UBE3D: variants seen among roughly 807,000 people sequenced by gnomAD.
UBE3D encodes the protein E3 ubiquitin-protein ligase E3D.
A neutral mutation model predicts 49.6 loss-of-function variants in UBE3D; 48 were observed. The observed-to-expected ratio is 0.97, with a 90% CI of 0.77 to 1.23. The LOEUF (loss-of-function observed/expected upper bound fraction) is 1.23, where lower values mean the gene tolerates loss of function less well. UBE3D is among the 50% of genes most tolerant of loss of function. The pLI, the probability that UBE3D is intolerant of heterozygous loss-of-function variation, is 0.00. For synonymous variants in UBE3D, 189 were observed against 174.2 expected, an observed-to-expected ratio of 1.08 and a Z score of -0.67; for missense variants, 452 against 468.4, an observed-to-expected ratio of 0.96 and a Z score of 0.32.
chr6:83,010,826 T>C (rs1240538895), intron 8 of UBE3D, among the ~76,000 whole-genome samples: 2 of 152,130 alleles, frequency 1.3e-5, no homozygotes, highest in African/African-American at 4.8e-5. Flanking sequence ...TGGCAGCTGA[T>C]TAGATGGTGC....
chr6:82,886,494 G>T, the UBE3D span, among the ~76,000 whole-genome samples: 1 of 152,126 alleles, frequency 6.6e-6, no homozygotes, highest in Non-Finnish European at 1.5e-5. Flanking sequence ...GGCTGGTACT[G>T]GTCCATAGCC....
intron 9 of UBE3D, among the ~76,000 whole-genome samples, chr6:82,941,197 C>G (rs1164632633): frequency 6.6e-6 from 1 of 151,942 alleles, no homozygotes; most frequent in African/African-American, 2.4e-5. Flanking sequence ...CAGAGCAAGA[C>G]TATCTCCAAA....
intron 5 of UBE3D, 55 bp downstream of exon 5, chr6:83,038,361 T>C (rs1317559446): frequency 7.4e-7 from 1 of 1,351,928 alleles, no homozygotes; most frequent in East Asian, 2.3e-5. Context: ...AAAATATCAT[T>C]CTGGCTTTTA....
rs1774631031 is a variant in UBE3D, at chr6:82,937,049, G to T, written c.1149+20263C>A. ...AGGCCCTTTTCTTTACTGCTCCATA[G>T]ATGAGGTCTATAAGAGCAAGGACCA... On this transcript the variant is annotated intron_variant, in intron 9 of 9. Transcript: ENST00000369747. 2.6e-5 allele frequency among the ~76,000 whole-genome samples: 4 copies of T among 152,154 alleles called. 1 individual carries two copies. The highest frequency in any genetic ancestry group is 9.7e-5 in the African/African-American group (4 of 41,424).
chr6:82,982,509 T>C (rs1371148239), intron 8 of UBE3D, among the ~76,000 whole-genome samples: 1 of 152,194 alleles, frequency 6.6e-6, no homozygotes, highest in Non-Finnish European at 1.5e-5. Flanking sequence ...AGAAACCAAG[T>C]TGATTGACCT....
chr6:83,054,096 G>T, intron 3 of UBE3D, 52 bp downstream of exon 3: 1 of 1,459,218 alleles, frequency 6.9e-7, no homozygotes. Context: ...GATAGAAAAA[G>T]AGATAACCAT....
At chr6:83,056,801 G>A (rs985346221) in intron 2 of UBE3D, among the ~76,000 whole-genome samples, 2 of 152,170 alleles carry the variant, frequency 1.3e-5, no homozygotes, top group Non-Finnish European at 2.9e-5. Context: ...ACACAGCGCA[G>A]ATGAAAGGTT....
At chr6:82,946,336 C>G (rs1775398478) in intron 9 of UBE3D, among the ~76,000 whole-genome samples, 1 of 151,806 alleles carries the variant, frequency 6.6e-6, no homozygotes, top group Non-Finnish European at 1.5e-5. Flanking sequence ...CCTTACAGGC[C>G]AGGAGAGAGT....
At chr6:82,965,510 G>C (rs1163334763) in intron 8 of UBE3D, among the ~76,000 whole-genome samples, 1 of 151,052 alleles carries the variant, frequency 6.6e-6, no homozygotes, top group East Asian at 1.9e-4. Context: ...TAGAACTTGG[G>C]AGGCAGAGGT....
At chr6:83,058,439 A>G (rs2127850664) in intron 1 of UBE3D, among the ~76,000 whole-genome samples, 1 of 152,378 alleles carries the variant, frequency 6.6e-6, no homozygotes, top group South Asian at 2.1e-4. Context: ...ACAGTGATGT[A>G]TGAATATCAG....
chr6:83,005,988 G>A (rs1283716696), intron 8 of UBE3D, among the ~76,000 whole-genome samples: 2 of 152,138 alleles, frequency 1.3e-5, no homozygotes, highest in Non-Finnish European at 2.9e-5. Flanking sequence ...ACGTTGGGAG[G>A]CTGAGATGGG....
chr6:82,976,963 A>C (rs1437076056), intron 8 of UBE3D, among the ~76,000 whole-genome samples: 1 of 151,764 alleles, frequency 6.6e-6, no homozygotes, highest in Non-Finnish European at 1.5e-5. Context: ...AAATACAAAA[A>C]ATTAGCCAGG....
rs1219753472 is a variant in UBE3D, at chr6:82,898,344, C to T, written c.1150-5302G>A. On this transcript the variant is annotated intron_variant, in intron 9 of 9. Coordinates refer to ENST00000369747, the MANE Select transcript of UBE3D (RefSeq NM_198920.3). Reference sequence around the variant, plus strand: ...CATTACTGGGTATATACCCAAAGGACTATAAATCATTCTACTATAAAGATA... The same window carrying T: ...CATTACTGGGTATATACCCAAAGGATTATAAATCATTCTACTATAAAGATA... Among the ~76,000 whole-genome samples the T allele has an allele frequency of 2.6e-5, 4 of 152,088 alleles. No individual in the cohort carries two copies. The South Asian group carries it at 6.2e-4, about 24-fold the overall frequency.
intron 8 of UBE3D, among the ~76,000 whole-genome samples, chr6:82,985,769 T>C: frequency 6.6e-6 from 1 of 152,330 alleles, no homozygotes; most frequent in South Asian, 2.1e-4. Flanking sequence ...ACCCCAACGC[T>C]AATTATTATA....
intron 9 of UBE3D, among the ~76,000 whole-genome samples, chr6:82,952,585 T>G (rs546262891): frequency 4.4e-4 from 67 of 152,234 alleles, no homozygotes; most frequent in Non-Finnish European, 7.9e-4. Context: ...CCAGCACATC[T>G]GCTAATTTTT....
intron 8 of UBE3D, among the ~76,000 whole-genome samples, chr6:82,961,132 T>C (rs964763527): frequency 3.9e-5 from 6 of 152,158 alleles, no homozygotes; most frequent in African/African-American, 1.4e-4. Context: ...GTAGAAAGCA[T>C]CTCAAGACAG....
At chr6:83,039,193 C>T (rs929462393) in intron 4 of UBE3D, among the ~76,000 whole-genome samples, 12 of 152,196 alleles carry the variant, frequency 7.9e-5, no homozygotes, top group African/African-American at 2.2e-4. Flanking sequence ...ACATTCCTCT[C>T]GTCCAGATAT....
At position 83,044,435 on chromosome 6, in the gene UBE3D, CA is replaced by C; in HGVS notation, c.589del (p.Cys197ValfsTer11). 1 of 1,613,706 alleles carries C rather than the reference CA, an allele frequency of 6.2e-7. No homozygotes were observed. The highest frequency in any genetic ancestry group is 8.5e-7 in the Non-Finnish European group (1 of 1,179,658). ...TTTGAAATGATATTTTACCAATTTA[CA>C]ATGGTTGTCAGAAGAAACACAGCAC... Reference protein sequence around the residue: ...EMCCVSSDNHCKLEPKANTKV... With the variant: ...EMCCVSSDNHXKLEPKANTKV... On this transcript the variant is annotated frameshift_variant, in exon 4 of 10. Transcript: ENST00000369747. LOFTEE classifies it high-confidence loss of function.
In UBE3D at chr6:83,039,088, C is replaced by T. The variant is rs202205182; in HGVS notation, c.598-603G>A. Among the ~76,000 whole-genome samples, 36 of 152,324 alleles carry T rather than the reference C, an allele frequency of 2.4e-4. No individual in the cohort carries two copies. In the East Asian group the frequency reaches 6.0e-3, roughly 25 times the overall value. ...AACCTAAGCTTCAAAAATCCAAATT[C>T]GCTATTTGAGATACAGATTAAAATA... is the stretch of plus-strand genomic sequence containing the variant. On this transcript the variant is annotated intron_variant, in intron 4 of 9. Coordinates refer to ENST00000369747, the MANE Select transcript of UBE3D (RefSeq NM_198920.3).
Sources: gnomAD v4.1 joint callset for allele counts (sites outside exome capture counted in the v4.1 genomes callset) on GRCh38, gnomAD v4.1.1 for gene constraint, MANE v1.5 for transcripts, NCBI Gene and HGNC (gene_info 2026-07-23, HGNC 2026-07-21) for gene names.